The following POLA1 variants were observed in gnomAD, a reference collection of about 807,000 sequenced individuals.
POLA1 encodes the protein DNA polymerase alpha 1, catalytic subunit, also known as DNA polymerase alpha catalytic subunit.
A neutral mutation model predicts 124.0 loss-of-function variants in POLA1; 15 were observed. The ratio of observed to expected loss-of-function variants is 0.12; its 90% CI spans 0.08 to 0.19. The LOEUF (loss-of-function observed/expected upper bound fraction) is 0.19. POLA1 is among the 10% of genes least tolerant of loss of function. The probability of loss-of-function intolerance (pLI) is 1.00; values close to 1 mark genes in which losing one functional copy is unlikely to be tolerated. For missense variants in POLA1, 886 were observed against 1,103.4 expected, an observed-to-expected ratio of 0.80 and a Z score of 2.79; for synonymous variants, 408 against 389.4, an observed-to-expected ratio of 1.05 and a Z score of -0.56.
chrX:24,956,778 T>C (rs2048111348), intron 36 of POLA1, among the ~76,000 whole-genome samples: 1 of 112,151 alleles, frequency 8.9e-6, no homozygotes, highest in Non-Finnish European at 1.9e-5. Flanking sequence ...TAATAAAAAT[T>C]CAAGACTCTA....
intron 35 of POLA1, among the ~76,000 whole-genome samples, chrX:24,910,499 C>G (rs936796778): frequency 9.0e-6 from 1 of 111,477 alleles, no homozygotes; most frequent in African/African-American, 3.3e-5. Context: ...CTGAGATAAT[C>G]ATGAAGAAAC....
chrX:24,971,814 G>T (rs190031275), intron 36 of POLA1, among the ~76,000 whole-genome samples: 1 of 111,294 alleles, frequency 9.0e-6, no homozygotes, highest in African/African-American at 3.3e-5. Context: ...GAGTGTAAAG[G>T]GTGAATTTAT....
At chrX:24,801,397 A>G (rs774989023) in intron 26 of POLA1, among the ~76,000 whole-genome samples, 1 of 111,987 alleles carries the variant, frequency 8.9e-6, no homozygotes, top group East Asian at 2.8e-4. Context: ...AGAGCCTAAA[A>G]AATAAATATT....
At chrX:24,933,555 G>A (rs187999685) in intron 36 of POLA1, among the ~76,000 whole-genome samples, 3 of 111,789 alleles carry the variant, frequency 2.7e-5, no homozygotes, top group East Asian at 2.8e-4. Context: ...CAAGTGCCCC[G>A]TAACTGGTGT....
intron 34 of POLA1, among the ~76,000 whole-genome samples, chrX:24,844,395 T>C (rs745856601): frequency 1.4e-4 from 15 of 110,145 alleles, no homozygotes; most frequent in Non-Finnish European, 2.3e-4. Context: ...TTTCAGTATG[T>C]CATTTGTCAT....
At chrX:24,714,329 T>C (rs771458759) in intron 4 of POLA1, among the ~76,000 whole-genome samples, 1 of 111,860 alleles carries the variant, frequency 8.9e-6, no homozygotes, top group African/African-American at 3.2e-5. Flanking sequence ...GGCTAATTTT[T>C]TGTATTTTAG....
At chrX:24,750,379 C>T (rs937778345) in intron 26 of POLA1, among the ~76,000 whole-genome samples, 2 of 112,599 alleles carry the variant, frequency 1.8e-5, no homozygotes, top group Admixed American at 9.4e-5. Context: ...CTGGCTGGTG[C>T]CAACTAGCTG....
At chrX:24,873,048 C>G (rs2046886611) in intron 34 of POLA1, among the ~76,000 whole-genome samples, 1 of 111,054 alleles carries the variant, frequency 9.0e-6, no homozygotes, top group African/African-American at 3.3e-5. Flanking sequence ...CATCATCACC[C>G]AGAGTCCATA....
chrX:24,950,079 C>T (rs2147244139), intron 36 of POLA1, among the ~76,000 whole-genome samples: 1 of 112,193 alleles, frequency 8.9e-6, no homozygotes, highest in South Asian at 3.7e-4. Context: ...TCCTCTTATC[C>T]TCACAGCATC....
intron 26 of POLA1, among the ~76,000 whole-genome samples, chrX:24,765,528 C>G (rs562971177): frequency 6.3e-5 from 7 of 110,595 alleles, no homozygotes; most frequent in Middle Eastern, 4.2e-3. Flanking sequence ...AACTCCTGAC[C>G]TCAGGTTATC....
At chrX:24,929,402 G>A (rs1270741781) in intron 35 of POLA1, among the ~76,000 whole-genome samples, 1 of 112,086 alleles carries the variant, frequency 8.9e-6, no homozygotes, top group Admixed American at 9.4e-5. Context: ...GTTCAGTGTT[G>A]GTTAAATTAC....
intron 35 of POLA1, among the ~76,000 whole-genome samples, chrX:24,890,799 G>A (rs766139017): frequency 8.9e-6 from 1 of 112,565 alleles, no homozygotes; most frequent in South Asian, 3.7e-4. Flanking sequence ...AGAATTAGCT[G>A]TCATTGAATT....
At chrX:24,731,886 G>A (rs1930926175) in intron 15 of POLA1, among the ~76,000 whole-genome samples, 1 of 111,780 alleles carries the variant, frequency 8.9e-6, no homozygotes, top group Admixed American at 9.4e-5. Flanking sequence ...CTGGATGATG[G>A]CTATACAGGA....
At chrX:24,919,387 T>C (rs376160459) in intron 35 of POLA1, among the ~76,000 whole-genome samples, 13 of 111,339 alleles carry the variant, frequency 1.2e-4, no homozygotes, top group African/African-American at 4.3e-4. Flanking sequence ...TACCGTACTG[T>C]TTCCTATACA....
At chrX:24,804,117 A>G (rs1383299534) in intron 26 of POLA1, among the ~76,000 whole-genome samples, 1 of 110,893 alleles carries the variant, frequency 9.0e-6, no homozygotes, top group Non-Finnish European at 1.9e-5. Flanking sequence ...GCCCAGTATC[A>G]CAGAAGTGTT....
intron 34 of POLA1, among the ~76,000 whole-genome samples, chrX:24,868,490 T>C: frequency 8.9e-6 from 1 of 112,203 alleles, no homozygotes; most frequent in South Asian, 3.8e-4. Context: ...CCCAAAGTCA[T>C]GTACTTTGAG....
At chrX:24,730,271 C>T (rs1328721822) in intron 15 of POLA1, among the ~76,000 whole-genome samples, 1 of 109,880 alleles carries the variant, frequency 9.1e-6, no homozygotes, top group Non-Finnish European at 1.9e-5. Context: ...TGGAGTCTTG[C>T]TCTGTTGCCT....
chrX:24,936,859 T>A (rs1344225486), intron 36 of POLA1, among the ~76,000 whole-genome samples: 1 of 112,275 alleles, frequency 8.9e-6, no homozygotes, highest in Non-Finnish European at 1.9e-5. Context: ...GAAAAACTGT[T>A]GCTGAATTTT....
chrX:24,786,455 T>G (rs2045363073), intron 26 of POLA1, among the ~76,000 whole-genome samples: 1 of 111,568 alleles, frequency 9.0e-6, no homozygotes, highest in Non-Finnish European at 1.9e-5. Context: ...CTGTGTCTTC[T>G]TTGGAAAAAT....
Sources: gnomAD v4.1 joint callset for allele counts (sites outside exome capture counted in the v4.1 genomes callset) on GRCh38, gnomAD v4.1.1 for gene constraint, MANE v1.5 for transcripts, NCBI Gene and HGNC (gene_info 2026-07-23, HGNC 2026-07-21) for gene names.